Variants in ECI1 observed in about 807,000 individuals in gnomAD.
The protein encoded by ECI1 is enoyl-CoA delta isomerase 1, mitochondrial.
In ECI1, 34 loss-of-function variants were observed where a neutral mutation model predicts 34.2. The ratio of observed to expected loss-of-function variants is 1.00; its 90% CI spans 0.76 to 1.33. The LOEUF (loss-of-function observed/expected upper bound fraction) is 1.33. Among genes scored for constraint, ECI1 ranks in the 40% most tolerant of loss-of-function variants. The pLI is 0.00. For missense variants in ECI1, 456 were observed against 422.2 expected (o/e 1.08, Z -0.70); for synonymous variants, 211 against 193.0 (o/e 1.09, Z -0.77).
intron 6 of ECI1, chr16:2,242,568 T>C (rs2093530244): frequency 5.4e-6 from 1 of 184,020 alleles, no homozygotes; most frequent in Non-Finnish European, 1.2e-5. Context: ...TGTGACCTTA[T>C]TTGGAAAGAG....
rs574012164 is a variant in ECI1, at chr16:2,240,696, T to A, written c.743-551A>T. On this transcript the variant is annotated intron_variant, in intron 6 of 6. Coordinates refer to ENST00000301729, the MANE Select transcript of ECI1 (RefSeq NM_001919.4). ...ACACACATCCTGGCTAATTTTGTAT[T>A]ATTTATTTATTTATTTTTGAGATGG... is the stretch of plus-strand genomic sequence containing the variant. 14 of 153,318 alleles carry A rather than the reference T, an allele frequency of 9.1e-5. No homozygotes were observed. The South Asian group carries it at 2.8e-3, about 31-fold the overall frequency. 9.5% of individuals were successfully genotyped at this position (153,318 alleles called of 1,614,324 possible).
At chr16:2,251,493 C>T (rs761303776) in intron 1 of ECI1, 22 bp downstream of exon 1, 1 of 1,556,884 alleles carries the variant, frequency 6.4e-7, no homozygotes, top group Admixed American at 1.9e-5. Flanking sequence ...GGCCCGATCC[C>T]TGCCCACCCC....
intron 6 of ECI1, among the ~76,000 whole-genome samples, chr16:2,242,109 C>T (rs748247094): frequency 4.6e-5 from 7 of 152,144 alleles, no homozygotes; most frequent in Non-Finnish European, 7.3e-5. Flanking sequence ...CCGCCCGCCT[C>T]GGCCTCTTAA....
intron 6 of ECI1, chr16:2,241,673 A>C (rs1405460493): frequency 6.6e-6 from 1 of 151,904 alleles, no homozygotes; most frequent in Non-Finnish European, 1.5e-5. Context: ...TGTGAAACTC[A>C]AATTTCAGTG....
At position 2,243,255 on chromosome 16, in the gene ECI1, G is replaced by GCC. The variant is rs751735996; in HGVS notation, c.564-33_564-32dup. ...AATGCAGACACCCACTCACCACATGGCCCCAGGCGGGTCTGTTCCCTCCAC... is the reference window on the plus strand; with the variant it reads ...AATGCAGACACCCACTCACCACATGGCCCCCCAGGCGGGTCTGTTCCCTCCAC... On this transcript the variant is annotated intron_variant, in intron 5 of 6. Transcript: ENST00000301729. 15 of 1,612,848 alleles carry GCC rather than the reference G, an allele frequency of 9.3e-6. No individual in the cohort carries two copies. In the East Asian group the frequency reaches 1.1e-4, roughly 12 times the overall value.
chr16:2,243,562 C>A (rs1315962417), intron 4 of ECI1, 123 bp from the exon 5 acceptor site: 3 of 1,201,870 alleles, frequency 2.5e-6, no homozygotes, highest in African/African-American at 3.0e-5. Context: ...GGGTTCAACA[C>A]CCACAATGGT....
chr16:2,248,213 C>T (rs897890169), intron 2 of ECI1, among the ~76,000 whole-genome samples: 2 of 152,008 alleles, frequency 1.3e-5, no homozygotes, highest in African/African-American at 2.4e-5. Flanking sequence ...TCTCCTGCCT[C>T]AGCCTCCTGA....
chr16:2,241,714 CAG>C (rs1422422211), intron 6 of ECI1: 4 of 151,164 alleles, frequency 2.6e-5, no homozygotes, highest in Non-Finnish European at 4.4e-5. Context: ...GTTTTTGAGA[CAG>C]AGTCTCACTC....
At chr16:2,250,315 C>A (rs2093550369) in intron 2 of ECI1, among the ~76,000 whole-genome samples, 1 of 151,648 alleles carries the variant, frequency 6.6e-6, no homozygotes, top group African/African-American at 2.4e-5. Flanking sequence ...TTAGTTTGTC[C>A]CTCTCAAGTT....
At chr16:2,242,004 C>A (rs187958311) in intron 6 of ECI1, among the ~76,000 whole-genome samples, 1 of 152,076 alleles carries the variant, frequency 6.6e-6, no homozygotes, top group Admixed American at 6.6e-5. Flanking sequence ...GGACTACAGG[C>A]GCCCGCCGCC....
rs1046765651 is a variant in ECI1, at chr16:2,240,502, C to T, written c.743-357G>A. On this transcript the variant is annotated intron_variant, in intron 6 of 6. Transcript: ENST00000301729. ...CTGGGATTCCAGGCATGAGCCAGCACGCCCGGCCCTAATTTTTTTTTGTTT... is the reference window on the plus strand; with the variant it reads ...CTGGGATTCCAGGCATGAGCCAGCATGCCCGGCCCTAATTTTTTTTTGTTT... The T allele has an allele frequency of 8.7e-5, 24 of 276,850 alleles. 1 individual carries two copies. Among genetic ancestry groups the T allele is most frequent in the South Asian group, 6.4e-4 (16 of 25,064 alleles). 17.1% of individuals were successfully genotyped at this position (276,850 alleles called of 1,614,324 possible).
At chr16:2,248,551 A>T (rs953745921) in intron 2 of ECI1, among the ~76,000 whole-genome samples, 1 of 151,880 alleles carries the variant, frequency 6.6e-6, no homozygotes, top group Non-Finnish European at 1.5e-5. Flanking sequence ...AGAAGCTGGG[A>T]TTACAGGACA....
At chr16:2,241,401 T>C (rs1388164640) in intron 6 of ECI1, among the ~76,000 whole-genome samples, 2 of 151,852 alleles carry the variant, frequency 1.3e-5, no homozygotes, top group Non-Finnish European at 2.9e-5. Flanking sequence ...GTTCAAGTGA[T>C]TCTCCGGCCT....
Position 2,243,055 on chromosome 16 carries a change from C to A in ECI1, c.733G>T (p.Ala245Ser). ...TALSAIAQWM[A>S]IPDHARQLTK... is the part of the protein sequence containing the mutation. ...ATGCCCCGTGCCTCACCTGGAATGG[C>A]CATCCACTGGGCTATCGCTGACAGC... The change falls in exon 6 of 7, where the codon GCC becomes TCC. Residue 245 changes from alanine to serine, a missense_variant. Coordinates refer to ENST00000301729, the MANE Select transcript of ECI1 (RefSeq NM_001919.4). The A allele has an allele frequency of 6.2e-7, 1 of 1,602,924 alleles. No homozygotes were observed.
chr16:2,241,016 CAACTA>C (rs2093526980), intron 6 of ECI1: 2 of 151,908 alleles, frequency 1.3e-5, no homozygotes, highest in Non-Finnish European at 1.5e-5. Flanking sequence ...CATTTTCACT[CAACTA>C]TATTATGAAG....
At chr16:2,251,131 T>TA (rs2093552269) in intron 2 of ECI1, among the ~76,000 whole-genome samples, 185 bp downstream of exon 2, 1 of 152,220 alleles carries the variant, frequency 6.6e-6, no homozygotes, top group South Asian at 2.1e-4. Flanking sequence ...CCGCCAACTT[T>TA]AAAAACAGAA....
Position 2,239,813 on chromosome 16 carries a change from T to C in ECI1, c.*166A>G. 1.4e-6 allele frequency: 1 copy of C among 727,126 alleles called. No individual in the cohort carries two copies. Among genetic ancestry groups the C allele is most frequent in the Non-Finnish European group, 2.4e-6 (1 of 417,432 alleles). The allele number at this position is 727,126 out of a possible 1,614,324, so 45.0% of individuals were successfully genotyped here. On this transcript the variant is annotated 3_prime_UTR_variant, in exon 7 of 7. Coordinates refer to ENST00000301729, the MANE Select transcript of ECI1 (RefSeq NM_001919.4). Reference sequence around the variant, plus strand: ...GGGCACAGGCACCCATGTGTGTTTGTGTGTGGCTGGGCCTTGGGCCACTGG... The same window carrying C: ...GGGCACAGGCACCCATGTGTGTTTGCGTGTGGCTGGGCCTTGGGCCACTGG...
At position 2,243,347 on chromosome 16, in the gene ECI1, C is replaced by G. The variant is rs1000997342; in HGVS notation, c.534G>C (p.Glu178Asp). Residue 178 changes from glutamate to aspartate, a missense_variant, in exon 5 of 7, where the codon GAG (glutamate) becomes GAC (aspartate). Physicochemically the swap from Glu to Asp is conservative, Grantham distance 45. Transcript: ENST00000301729. Reference sequence around the variant, plus strand: ...AAGGGGCGATGATGCCCAGCTGGGTCTCATTGAGTCCTATGCAGTACCTGG... The same window carrying G: ...AAGGGGCGATGATGCCCAGCTGGGTGTCATTGAGTCCTATGCAGTACCTGG... ...DNPRYCIGLN[E>D]TQLGIIAPFW... is the part of the protein sequence containing the mutation. The G allele has an allele frequency of 2.5e-6, 4 of 1,613,734 alleles. No individual in the cohort carries two copies. The highest frequency in any genetic ancestry group is 3.4e-6 in the Non-Finnish European group (4 of 1,180,020).
chr16:2,249,876 CAAAAAAAAAAAAAAAAAAA>C (rs869259386), intron 2 of ECI1, among the ~76,000 whole-genome samples: 64 of 20,352 alleles, frequency 3.1e-3, no homozygotes, highest in Admixed American at 1.7e-3. Context: ...GACTCCGTCT[CAAAAAAAAAAAAAAAAAAA>C]AAAAAAAAAA....
Sources: allele counts gnomAD v4.1 joint callset (sites outside exome capture counted in the v4.1 genomes callset), GRCh38; gene constraint gnomAD v4.1.1; transcripts MANE v1.5; gene names NCBI Gene and HGNC (gene_info 2026-07-23, HGNC 2026-07-21).